The following ABCA10 variants were observed in gnomAD, a reference collection of about 807,000 sequenced individuals.
ABCA10 encodes the protein ATP binding cassette subfamily A member 10.
ABCA10 carries 169 observed loss-of-function variants against 187.5 expected under a neutral mutation model. The observed-to-expected ratio is 0.90, with a 90% confidence interval of 0.80 to 1.02. The LOEUF is 1.02. ABCA10 is among the 50% of genes least tolerant of loss of function. ABCA10 has a pLI of 0.00. For missense variants in ABCA10, 1,727 were observed against 1,812.4 expected, an observed-to-expected ratio of 0.95 and a Z score of 0.86; for synonymous variants, 574 against 601.8, an observed-to-expected ratio of 0.95 and a Z score of 0.68.
intron 37 of ABCA10, chr17:69,149,374 G>A (rs866435927): frequency 8.6e-6 from 3 of 347,634 alleles, no homozygotes; most frequent in Non-Finnish European, 1.6e-5. Flanking sequence ...ATCAGTTGTC[G>A]AGAATAATTT....
At chr17:69,231,147 GCTCT>G (rs1387477556), upstream of ABCA10, among the ~76,000 whole-genome samples, 2 of 152,070 alleles carry the variant, frequency 1.3e-5, no homozygotes, top group Non-Finnish European at 2.9e-5. Context: ...GAAAAGCCAT[GCTCT>G]CTCTCCCAGC....
chr17:69,157,019 C>T, intron 27 of ABCA10, 96 bp from the exon 28 acceptor site: 1 of 692,934 alleles, frequency 1.4e-6, no homozygotes, highest in Non-Finnish European at 2.2e-6. Context: ...AAGATTTGAT[C>T]ATTTTCTTGA....
At chr17:69,183,660 A>C (rs2074398253) in intron 20 of ABCA10, among the ~76,000 whole-genome samples, 1 of 152,080 alleles carries the variant, frequency 6.6e-6, no homozygotes, top group African/African-American at 2.4e-5. Context: ...TAGAAAGCCA[A>C]GCGAAATATA....
chr17:69,214,648 A>C, intron 9 of ABCA10, 56 bp downstream of exon 9: 2 of 1,328,120 alleles, frequency 1.5e-6, no homozygotes, highest in East Asian at 5.6e-5. Context: ...ATATTAATAC[A>C]TGTTTTAAGA....
chr17:69,236,121 A>G (rs888396628), intron 1 of ABCA10, among the ~76,000 whole-genome samples: 1 of 152,214 alleles, frequency 6.6e-6, no homozygotes, highest in African/African-American at 2.4e-5. Context: ...GTCAAATAGT[A>G]GTAGGATTTT....
At chr17:69,211,334 TATATATATATA>T (rs1459883759) in intron 9 of ABCA10, among the ~76,000 whole-genome samples, 3,948 of 132,686 alleles carry the variant, frequency 0.03, 129 homozygotes, top group Middle Eastern at 0.069. Context: ...TATATATATA[TATATATATATA>T]TATATATATA....
chr17:69,153,344 G>T lies in ABCA10; in HGVS notation c.4097C>A (p.Pro1366Gln). 1 of 1,613,386 alleles carries T rather than the reference G, an allele frequency of 6.2e-7. No homozygotes were observed. Among genetic ancestry groups the T allele is most frequent in the East Asian group, 2.2e-5 (1 of 44,876 alleles). Residue 1366 changes from proline to glutamine, a missense_variant, in exon 34 of 39, where the codon CCG (proline) becomes CAG (glutamine). By Grantham distance (76) the Pro-to-Gln change is moderately conservative. Transcript: ENST00000690296. Reference sequence around the variant, plus strand: ...CCCCTCGGGGTCCATCCCGGTGAACGGCTCATCTAGAAGCACCACTGATGG... The same window carrying T: ...CCCCTCGGGGTCCATCCCGGTGAACTGCTCATCTAGAAGCACCACTGATGG... ...GNPSVVLLDE[P>Q]FTGMDPEGQQ...
chr17:69,226,473 AC>A (rs2074794230), intron 2 of ABCA10, among the ~76,000 whole-genome samples: 1 of 152,062 alleles, frequency 6.6e-6, no homozygotes, highest in South Asian at 2.1e-4. Context: ...CTATTTCTGA[AC>A]AGACTGCAAT....
intron 11 of ABCA10, among the ~76,000 whole-genome samples, chr17:69,195,799 A>C (rs1020224658): frequency 6.6e-6 from 1 of 151,898 alleles, no homozygotes; most frequent in African/African-American, 2.4e-5. Context: ...CTGTTTAACA[A>C]AGCACATCTT....
At chr17:69,161,825 A>G (rs1275171100) in intron 27 of ABCA10, among the ~76,000 whole-genome samples, 1 of 152,208 alleles carries the variant, frequency 6.6e-6, no homozygotes, top group Non-Finnish European at 1.5e-5. Flanking sequence ...GGAAGGAAGA[A>G]TGGTGAAATC....
chr17:69,212,008 C>A (rs1362749745), intron 9 of ABCA10, among the ~76,000 whole-genome samples: 1 of 151,834 alleles, frequency 6.6e-6, no homozygotes, highest in Non-Finnish European at 1.5e-5. Context: ...GATTTCTTTT[C>A]TTCTGCTGGG....
intron 3 of ABCA10, among the ~76,000 whole-genome samples, chr17:69,224,257 A>G (rs1598126294): frequency 1.3e-5 from 2 of 152,296 alleles, no homozygotes; most frequent in East Asian, 3.9e-4. Context: ...TCCAGACACC[A>G]AAAAACTAAA....
At chr17:69,158,701 T>TC in intron 27 of ABCA10, among the ~76,000 whole-genome samples, 1 of 152,188 alleles carries the variant, frequency 6.6e-6, no homozygotes, top group South Asian at 2.1e-4. Context: ...ATTCTAATTT[T>TC]CATCAATAAA....
In ABCA10 at chr17:69,174,672, T is replaced by C; in HGVS notation, c.2983A>G (p.Ile995Val). ...AATATGAAGTAGTAAATTAAATGTA[T>C]TGAAAAGAGAATCAAGAAGTATAAT... ...IPLYFLILFS[I>V]HLIYYFIFLG... The change falls in exon 24 of 39, where the codon ATA becomes GTA. Residue 995 changes from isoleucine (I) to valine (V), a missense_variant. By Grantham distance (29) the Ile-to-Val change is conservative. Coordinates refer to ENST00000690296, the MANE Select transcript of ABCA10 (RefSeq NM_001377321.1). The C allele has an allele frequency of 1.9e-6, 3 of 1,612,160 alleles. No individual in the cohort carries two copies. Among genetic ancestry groups the C allele is most frequent in the South Asian group, 1.1e-5 (1 of 90,850 alleles).
intron 12 of ABCA10, 34 bp from the exon 13 acceptor site, chr17:69,194,023 G>C (rs754461533): frequency 6.6e-7 from 1 of 1,526,004 alleles, no homozygotes; most frequent in Admixed American, 1.9e-5. Context: ...TTTACTGCCA[G>C]AATGTTAATT....
chr17:69,177,201 T>C (rs953059800), intron 22 of ABCA10, among the ~76,000 whole-genome samples: 8 of 152,236 alleles, frequency 5.3e-5, no homozygotes, highest in Non-Finnish European at 8.8e-5. Flanking sequence ...ACTTTCCTTT[T>C]CAACTTCCCC....
chr17:69,156,289 G>A (rs772129843), intron 28 of ABCA10, among the ~76,000 whole-genome samples: 5 of 152,058 alleles, frequency 3.3e-5, no homozygotes, highest in Non-Finnish European at 7.4e-5. Context: ...AGTTTTTACT[G>A]TACCTTCTCC....
At chr17:69,231,853 A>T (rs1323818837), upstream of ABCA10, among the ~76,000 whole-genome samples, 1 of 152,082 alleles carries the variant, frequency 6.6e-6, no homozygotes, top group Non-Finnish European at 1.5e-5. Context: ...TGTCTATTCC[A>T]GTTCCTTACA....
intron 9 of ABCA10, among the ~76,000 whole-genome samples, chr17:69,210,186 T>TG (rs2074629366): frequency 8.3e-6 from 1 of 120,812 alleles, no homozygotes; most frequent in Admixed American, 7.7e-5. Flanking sequence ...TTTTTTTTTT[T>TG]TTTTTTTTTT....
Sources: gnomAD v4.1 joint callset for allele counts (sites outside exome capture counted in the v4.1 genomes callset) on GRCh38, gnomAD v4.1.1 for gene constraint, MANE v1.5 for transcripts, NCBI Gene and HGNC (gene_info 2026-07-23, HGNC 2026-07-21) for gene names.